MICU1: variants seen among roughly 807,000 people sequenced by gnomAD.
MICU1 encodes calcium uptake protein 1, mitochondrial.
In MICU1, 45 loss-of-function variants were observed where a neutral mutation model predicts 56.8. The ratio of observed to expected loss-of-function variants is 0.79; its 90% confidence interval spans 0.62 to 1.02. The LOEUF (loss-of-function observed/expected upper bound fraction) is 1.02. Ranked by LOEUF, MICU1 falls within the 50% of genes least tolerant of loss-of-function variation. The pLI is 0.00. For missense variants in MICU1, 504 were observed against 587.1 expected (o/e 0.86, Z 1.46); for synonymous variants, 186 against 195.1 (o/e 0.95, Z 0.39).
chr10:72,458,747 T>A (rs1295634990), intron 8 of MICU1, among the ~76,000 whole-genome samples: 9 of 151,180 alleles, frequency 6.0e-5, no homozygotes, highest in Admixed American at 5.9e-4. Context: ...TCTCACTCTG[T>A]TGCCCAGGCT....
chr10:72,473,921 G>A (rs916418075), intron 8 of MICU1, among the ~76,000 whole-genome samples: 3 of 152,044 alleles, frequency 2.0e-5, no homozygotes, highest in African/African-American at 7.2e-5. Flanking sequence ...AGTAGTTAAT[G>A]TTTTGAAATT....
In MICU1 at chr10:72,448,173, G is replaced by GTATA. The variant is rs1202727249; in HGVS notation, c.934-24806_934-24803dup. ...TGTCTGTGTGTGTGTATATGTGTGT[G>GTATA]TATATATATATATATATATATTTTT... On this transcript the variant is annotated intron_variant, in intron 8 of 11. Transcript: ENST00000361114. Among the ~76,000 whole-genome samples the GTATA allele has an allele frequency of 8.4e-4, 65 of 77,182 alleles. 1 individual carries two copies. The highest frequency in any genetic ancestry group is 3.2e-3 in the East Asian group (10 of 3,166). The allele number at this position is 77,182 out of a possible 152,430, so 50.6% of individuals were successfully genotyped here. A position where few individuals can be genotyped will look rare whatever the true frequency, so the allele number is the denominator to read the frequency against.
chr10:72,533,142 T>C (rs1290775610), intron 5 of MICU1: 15 of 1,289,878 alleles, frequency 1.2e-5, no homozygotes, highest in Non-Finnish European at 1.4e-5. Flanking sequence ...TGTGTAATAT[T>C]TTCTTTTTGG....
chr10:72,456,684 ATTTC>A (rs770761521), intron 8 of MICU1, among the ~76,000 whole-genome samples: 1 of 151,912 alleles, frequency 6.6e-6, no homozygotes, highest in Middle Eastern at 3.4e-3. Context: ...TTTTAGGGTA[ATTTC>A]TTTCTTTTTC....
intron 10 of MICU1, among the ~76,000 whole-genome samples, chr10:72,405,933 G>C (rs945008054): frequency 2.0e-5 from 3 of 151,880 alleles, no homozygotes; most frequent in Admixed American, 1.3e-4. Flanking sequence ...TCAGAAAGAA[G>C]CCAAGGATGT....
At chr10:72,485,897 ACG>A (rs938574312) in intron 6 of MICU1, among the ~76,000 whole-genome samples, 13 of 150,504 alleles carry the variant, frequency 8.6e-5, no homozygotes, top group Non-Finnish European at 1.8e-4. Flanking sequence ...ACACACACAC[ACG>A]CACACACACA....
chr10:72,568,511 A>C (rs1238473357), intron 1 of MICU1, among the ~76,000 whole-genome samples: 1 of 152,162 alleles, frequency 6.6e-6, no homozygotes, highest in Non-Finnish European at 1.5e-5. Context: ...CATCGAGGGA[A>C]GACCATGTCC....
At chr10:72,611,439 C>T (rs1162734765) in intron 1 of MICU1, among the ~76,000 whole-genome samples, 1 of 151,928 alleles carries the variant, frequency 6.6e-6, no homozygotes, top group Non-Finnish European at 1.5e-5. Context: ...TGGCGAAACC[C>T]CGTCTCTACT....
At position 72,375,642 on chromosome 10, in the gene MICU1, G is replaced by A. The variant is rs1478199546; in HGVS notation, c.1270+141C>T. 4.5e-6 allele frequency: 3 copies of A among 672,910 alleles called. No individual in the cohort carries two copies. In the Admixed American group the frequency reaches 1.0e-4, roughly 23 times the overall value. 41.7% of individuals were successfully genotyped at this position (672,910 alleles called of 1,614,324 possible). On this transcript the variant is annotated intron_variant, in intron 11 of 11. Coordinates refer to ENST00000361114, the MANE Select transcript of MICU1 (RefSeq NM_001195518.2). ...TCTCAGTATCATCATGCCAAGGGCT[G>A]AGGTGCTAATGTGAGAAAGGTGGGT...
rs146527782 is a variant in MICU1, at chr10:72,530,140, C to A, written c.537+3606G>T. Among the ~76,000 whole-genome samples, 479 of 150,646 alleles carry A rather than the reference C, an allele frequency of 3.2e-3. 4 individuals are homozygous for A. Among genetic ancestry groups the A allele is most frequent in the African/African-American group, 0.011 (451 of 41,198 alleles). ...GTCAGGAGTTCAAGACCAGCCTGGC[C>A]AACATGGTAAAACCCCGTCTCTACT... On this transcript the variant is annotated intron_variant, in intron 5 of 11. Transcript: ENST00000361114.
intron 8 of MICU1, among the ~76,000 whole-genome samples, chr10:72,457,716 G>A (rs1051707568): frequency 1.3e-5 from 2 of 151,940 alleles, no homozygotes; most frequent in African/African-American, 4.8e-5. Flanking sequence ...GAGAAAGAGT[G>A]GGGAGAGAGA....
Position 72,610,092 on chromosome 10 carries a change from C to T in MICU1, c.-2+15918G>A, listed in dbSNP as rs528199449. Among the ~76,000 whole-genome samples the T allele has an allele frequency of 4.0e-5, 6 of 151,490 alleles. No individual in the cohort carries two copies. In the South Asian group the frequency reaches 1.3e-3, roughly 32 times the overall value. ...TGGGCAACACAGCAAGACCCCATCCCTACAAAAATTTTTTAAAAATTGGTT... is the reference window on the plus strand; with the variant it reads ...TGGGCAACACAGCAAGACCCCATCCTTACAAAAATTTTTTAAAAATTGGTT... On this transcript the variant is annotated intron_variant, in intron 1 of 11. Transcript: ENST00000361114.
intron 5 of MICU1, among the ~76,000 whole-genome samples, chr10:72,532,281 G>T (rs1839508638): frequency 6.6e-6 from 1 of 151,116 alleles, no homozygotes; most frequent in South Asian, 2.1e-4. Context: ...TTGCTCCACT[G>T]CACTCCAGCC....
intron 6 of MICU1, among the ~76,000 whole-genome samples, chr10:72,500,313 T>A (rs1305569956): frequency 0.033 from 620 of 18,696 alleles, 13 homozygotes; most frequent in African/African-American, 0.078. Flanking sequence ...TTTTTTTTTT[T>A]TTTTTTTTTT....
intron 10 of MICU1, among the ~76,000 whole-genome samples, chr10:72,387,572 C>T (rs1385575148): frequency 6.6e-6 from 1 of 152,054 alleles, no homozygotes; most frequent in Non-Finnish European, 1.5e-5. Flanking sequence ...GAACAGAGAA[C>T]TTTTTTAATA....
chr10:72,603,832 CAA>C lies in MICU1; in HGVS notation c.-2+22176_-2+22177del, dbSNP rs1325653519. On this transcript the variant is annotated intron_variant, in intron 1 of 11. Transcript: ENST00000361114. Reference sequence around the variant, plus strand: ...AAACAAAACAAAACAAACAAACAAACAAAAAAACACCTGTAAGGTGTACACTG... The same window carrying C: ...AAACAAAACAAAACAAACAAACAAACAAAAACACCTGTAAGGTGTACACTG... 2.0e-5 allele frequency among the ~76,000 whole-genome samples: 3 copies of C among 151,950 alleles called. No homozygotes were observed. In the East Asian group the frequency reaches 5.8e-4, roughly 29 times the overall value.
intron 8 of MICU1, among the ~76,000 whole-genome samples, chr10:72,466,785 C>T (rs1865807117): frequency 6.6e-6 from 1 of 152,168 alleles, no homozygotes; most frequent in African/African-American, 2.4e-5. Context: ...GGAGTTGAGG[C>T]ATGTCCCTTG....
At chr10:72,402,549 T>G (rs1175359744) in intron 10 of MICU1, among the ~76,000 whole-genome samples, 2 of 151,308 alleles carry the variant, frequency 1.3e-5, no homozygotes, top group African/African-American at 4.9e-5. Context: ...TTGGCCCAAA[T>G]AAACTTTAGG....
intron 10 of MICU1, among the ~76,000 whole-genome samples, chr10:72,382,865 C>T (rs868836883): frequency 2.0e-5 from 3 of 152,234 alleles, no homozygotes; most frequent in African/African-American, 7.2e-5. Context: ...GCCAAGATCA[C>T]GCCACTGCAC....
Sources: gnomAD v4.1 joint callset for allele counts (sites outside exome capture counted in the v4.1 genomes callset) on GRCh38, gnomAD v4.1.1 for gene constraint, MANE v1.5 for transcripts, NCBI Gene and HGNC (gene_info 2026-07-23, HGNC 2026-07-21) for gene names.